Variants in ZNF407 observed in about 807,000 individuals in gnomAD.
The protein encoded by ZNF407 is zinc finger protein 407.
In ZNF407, 17 loss-of-function variants were observed where a neutral mutation model predicts 131.2. The ratio of observed to expected loss-of-function variants is 0.13; its 90% CI spans 0.09 to 0.19. ZNF407 has a LOEUF of 0.19. ZNF407 is among the 10% of genes least tolerant of loss of function. The pLI is 1.00. For synonymous variants in ZNF407, 1,156 were observed against 1,062.0 expected (o/e 1.09, Z -1.72); for missense variants, 2,681 against 2,830.6 (o/e 0.95, Z 1.20).
At chr18:74,897,762 C>G (rs910078891) in intron 7 of ZNF407, among the ~76,000 whole-genome samples, 1 of 152,144 alleles carries the variant, frequency 6.6e-6, no homozygotes, top group Non-Finnish European at 1.5e-5. Context: ...TACAGTGTAG[C>G]TTATTAGGAA....
intron 3 of ZNF407, among the ~76,000 whole-genome samples, chr18:74,697,917 A>G (rs1390418519): frequency 6.6e-6 from 1 of 152,200 alleles, no homozygotes; most frequent in East Asian, 1.9e-4. Context: ...ATGACCTAGG[A>G]TTTTTAATGG....
At chr18:74,763,023 C>G (rs1280671462) in intron 3 of ZNF407, among the ~76,000 whole-genome samples, 1 of 151,936 alleles carries the variant, frequency 6.6e-6, no homozygotes, top group Non-Finnish European at 1.5e-5. Context: ...GAGAATAGTA[C>G]CAGTTTACAT....
chr18:74,599,788 TA>T (rs769303208), intron 1 of ZNF407, among the ~76,000 whole-genome samples: 6 of 152,230 alleles, frequency 3.9e-5, no homozygotes, highest in Non-Finnish European at 7.3e-5. Flanking sequence ...TCATCTCCTT[TA>T]AGAAGGTGGT....
chr18:74,764,648 A>G (rs768358564), intron 3 of ZNF407, among the ~76,000 whole-genome samples: 9 of 152,220 alleles, frequency 5.9e-5, no homozygotes, highest in Non-Finnish European at 1.0e-4. Flanking sequence ...GAGGATGTGC[A>G]TAGGTTATGT....
intron 8 of ZNF407, among the ~76,000 whole-genome samples, chr18:74,972,115 T>C (rs1772347259): frequency 6.6e-6 from 1 of 152,132 alleles, no homozygotes; most frequent in Non-Finnish European, 1.5e-5. Flanking sequence ...TCCCACAACA[T>C]GTGGGAATTC....
rs775806441 is a variant in ZNF407 at position 74,858,669 on chromosome 18, CTTT to C, written c.4878-18526_4878-18524del. On this transcript the variant is annotated intron_variant, in intron 4 of 8. Coordinates refer to ENST00000299687, the MANE Select transcript of ZNF407 (RefSeq NM_017757.3). ...TTCTGCCCTGTTCAGTCATCTTCCA[CTTT>C]TCCTTATTGATCTCAATGTTTCATG... Among the ~76,000 whole-genome samples the C allele has an allele frequency of 5.9e-5, 9 of 152,190 alleles. No homozygotes were observed. In the East Asian group the frequency reaches 1.3e-3, roughly 23 times the overall value.
chr18:74,667,092 T>C (rs1000379726), intron 3 of ZNF407, among the ~76,000 whole-genome samples: 8 of 152,206 alleles, frequency 5.3e-5, no homozygotes. Flanking sequence ...GATCTGTTGG[T>C]GCCTCACAAG....
chr18:74,881,741 TG>T (rs1373093887), intron 6 of ZNF407, among the ~76,000 whole-genome samples: 1 of 152,246 alleles, frequency 6.6e-6, no homozygotes, highest in Non-Finnish European at 1.5e-5. Flanking sequence ...CTTTTCTCCA[TG>T]ATGTGCATTC....
intron 3 of ZNF407, among the ~76,000 whole-genome samples, chr18:74,755,044 G>A (rs1568199034): frequency 6.6e-6 from 1 of 152,138 alleles, no homozygotes; most frequent in Non-Finnish European, 1.5e-5. Flanking sequence ...TGTATTGGGT[G>A]TATATATATT....
rs769256113 is a variant in ZNF407, at chr18:74,632,769, A to G, written c.1750A>G (p.Thr584Ala). The G allele has an allele frequency of 6.2e-7, 1 of 1,614,026 alleles. No individual in the cohort carries two copies. The highest frequency in any genetic ancestry group is 8.5e-7 in the Non-Finnish European group (1 of 1,179,890). Reference protein sequence around the residue: ...EHLHSNQHQQTASVLSCQCCS... With the variant: ...EHLHSNQHQQAASVLSCQCCS... ...TTTGCACAGTAACCAGCATCAGCAA[A>G]CTGCTTCTGTCCTGAGTTGTCAGTG... The change falls in exon 2 of 9, where the codon ACT (threonine) becomes GCT (alanine). Residue 584 changes from threonine (T) to alanine (A), a missense_variant. This residue lies in a region of ZNF407 where 1,789 missense variants were observed against 1,748.7 expected (regional missense o/e 1.02). Transcript: ENST00000299687.
intron 3 of ZNF407, among the ~76,000 whole-genome samples, chr18:74,675,016 T>C (rs1986298874): frequency 6.6e-6 from 1 of 152,230 alleles, no homozygotes; most frequent in Non-Finnish European, 1.5e-5. Context: ...TCTGAAGATG[T>C]CTCAAACTTA....
At chr18:74,801,717 A>G (rs1228918763) in intron 4 of ZNF407, among the ~76,000 whole-genome samples, 1 of 152,200 alleles carries the variant, frequency 6.6e-6, no homozygotes, top group Non-Finnish European at 1.5e-5. Flanking sequence ...TATAGAAGCC[A>G]GGGCTAGTTT....
At chr18:74,870,903 T>A (rs947701652) in intron 4 of ZNF407, among the ~76,000 whole-genome samples, 2 of 152,208 alleles carry the variant, frequency 1.3e-5, no homozygotes, top group Non-Finnish European at 2.9e-5. Flanking sequence ...TGGAATTATT[T>A]GGGTATATTT....
intron 7 of ZNF407, among the ~76,000 whole-genome samples, chr18:74,918,277 A>C (rs1422663503): frequency 6.6e-6 from 1 of 152,210 alleles, no homozygotes; most frequent in African/African-American, 2.4e-5. Context: ...ACATACCAAC[A>C]TTCTGGCCTT....
At chr18:74,734,709 G>T (rs1026254619) in intron 3 of ZNF407, among the ~76,000 whole-genome samples, 52 of 116,042 alleles carry the variant, frequency 4.5e-4, no homozygotes, top group South Asian at 1.1e-3. Context: ...GTGTGTGTGT[G>T]TTTTTGAGAG....
intron 7 of ZNF407, among the ~76,000 whole-genome samples, chr18:74,916,918 G>C (rs2145235600): frequency 6.6e-6 from 1 of 152,248 alleles, no homozygotes; most frequent in Non-Finnish European, 1.5e-5. Flanking sequence ...AAATTTGAAT[G>C]ACTTAAAAAT....
intron 8 of ZNF407, among the ~76,000 whole-genome samples, chr18:75,038,989 G>T (rs141595976): frequency 6.6e-6 from 1 of 152,156 alleles, no homozygotes; most frequent in Middle Eastern, 3.2e-3. Context: ...CCAGCTAGAC[G>T]GATCTGAATA....
chr18:74,970,670 T>TA (rs1245054393), intron 8 of ZNF407, among the ~76,000 whole-genome samples: 1 of 152,158 alleles, frequency 6.6e-6, no homozygotes, highest in Non-Finnish European at 1.5e-5. Context: ...TTGCAGGGTA[T>TA]AGCCCCCCTC....
intron 8 of ZNF407, among the ~76,000 whole-genome samples, chr18:74,956,306 T>C (rs1396337327): frequency 6.6e-6 from 1 of 152,028 alleles, no homozygotes; most frequent in South Asian, 2.1e-4. Context: ...GGCCTCGGTG[T>C]GGCCCACGTG....
Sources: gnomAD v4.1 joint callset for allele counts (sites outside exome capture counted in the v4.1 genomes callset) on GRCh38, gnomAD v4.1.1 for gene constraint, gnomAD v4.1.1 regional missense constraint, MANE v1.5 for transcripts, NCBI Gene and HGNC (gene_info 2026-07-23, HGNC 2026-07-21) for gene names.